The following HLCS variants were observed in gnomAD, a reference collection of about 807,000 sequenced individuals.
The protein encoded by HLCS is holocarboxylase synthetase.
Under a neutral mutation model 75.0 loss-of-function variants are expected in HLCS, and 53 were observed. The ratio of observed to expected loss-of-function variants is 0.71; its 90% CI spans 0.57 to 0.89. HLCS has a LOEUF of 0.89. HLCS is among the 40% of genes least tolerant of loss of function. The pLI, the probability that HLCS is intolerant of heterozygous loss-of-function variation, is 0.00. For missense variants in HLCS, 966 were observed against 1,074.0 expected, an observed-to-expected ratio of 0.90 and a Z score of 1.41; for synonymous variants, 431 against 428.6, an observed-to-expected ratio of 1.01 and a Z score of -0.07.
In HLCS at chr21:36,966,497, C is replaced by G. The variant is rs1327173242; in HGVS notation, c.142G>C (p.Ala48Pro). ...FCGAAAQPPG[A>P]RVCLSRGGRV... ...CCGCCACGGCTCAGGCACACGCGGG[C>G]GCCCGGGGGCTGCGCGGCCGCGCCG... The change falls in exon 1 of 11, where the codon GCC (alanine) becomes CCC (proline). Residue 48 changes from alanine to proline, a missense_variant. Coordinates refer to ENST00000674895, the MANE Select transcript of HLCS (RefSeq NM_001352514.2). 8.2e-6 allele frequency: 8 copies of G among 979,864 alleles called. No individual in the cohort carries two copies. Among genetic ancestry groups the G allele is most frequent in the African/African-American group, 1.8e-5 (1 of 55,242 alleles). The allele number at this position is 979,864 out of a possible 1,614,324, so 60.7% of individuals were successfully genotyped here. A position where few individuals can be genotyped will look rare whatever the true frequency, so the allele number is the denominator to read the frequency against.
intron 6 of HLCS, among the ~76,000 whole-genome samples, chr21:36,786,939 G>C (rs1006503682): frequency 3.3e-5 from 5 of 152,204 alleles, no homozygotes; most frequent in Non-Finnish European, 7.3e-5. Context: ...TCCAGGCGGG[G>C]ATGGCTCACT....
At chr21:36,878,567 G>T (rs1194005318) in intron 6 of HLCS, among the ~76,000 whole-genome samples, 1 of 152,084 alleles carries the variant, frequency 6.6e-6, no homozygotes, top group Non-Finnish European at 1.5e-5. Flanking sequence ...ATTAATAAAG[G>T]TATTACTGCC....
At chr21:36,958,875 G>C (rs2068119063) in intron 2 of HLCS, among the ~76,000 whole-genome samples, 2 of 152,170 alleles carry the variant, frequency 1.3e-5, no homozygotes, top group Admixed American at 6.5e-5. Flanking sequence ...TATAACCTAA[G>C]TTTTCTTATC....
rs540951009 is a variant in HLCS at position 36,946,053 on chromosome 21, G to A, written c.331-7059C>T. 5 of 955,832 alleles carry A rather than the reference G, an allele frequency of 5.2e-6. No homozygotes were observed. In the African/African-American group the frequency reaches 8.8e-5, roughly 17 times the overall value. 59.2% of individuals were successfully genotyped at this position (955,832 alleles called of 1,614,324 possible). ...CACTAAAAGGGATCATCCATAAAGT[G>A]CCTGGGCCACAAGGGTGCTCTTATG... On this transcript the variant is annotated intron_variant, in intron 2 of 10. Transcript: ENST00000674895.
chr21:36,988,992 A>ATT (rs200128461), intron 1 of HLCS, among the ~76,000 whole-genome samples: 3 of 149,092 alleles, frequency 2.0e-5, no homozygotes, highest in South Asian at 2.1e-4. Flanking sequence ...ATGGTAGGGG[A>ATT]TTTTTTTTTC....
chr21:36,936,563 G>T lies in HLCS; in HGVS notation c.1323C>A (p.Gly441=). The change falls in exon 4 of 11, where the codon GGC becomes GGA. Residue 441 remains glycine (G), a synonymous_variant. Transcript: ENST00000674895. ...VLSSGCRYQE[G]PVRLSPGRLQ... ...GCCTGCCGGGGCTGAGCCGGACGGGGCCTTCCTGGTACCTGCAGCCACTGC... is the reference window on the plus strand; with the variant it reads ...GCCTGCCGGGGCTGAGCCGGACGGGTCCTTCCTGGTACCTGCAGCCACTGC... The T allele has an allele frequency of 6.2e-7, 1 of 1,614,172 alleles. No homozygotes were observed.
At chr21:36,935,498 C>T (rs1287108202) in intron 4 of HLCS, among the ~76,000 whole-genome samples, 1 of 151,804 alleles carries the variant, frequency 6.6e-6, no homozygotes, top group Admixed American at 6.6e-5. Context: ...GAAAACAAAA[C>T]AAAAAAGGAA....
intron 1 of HLCS, among the ~76,000 whole-genome samples, chr21:36,980,129 A>G (rs1360987284): frequency 1.3e-5 from 2 of 150,250 alleles, no homozygotes; most frequent in African/African-American, 4.9e-5. Context: ...TCAAGGCTGC[A>G]GTGAGCTGCG....
chr21:36,808,771 T>C (rs541954933), intron 6 of HLCS, among the ~76,000 whole-genome samples: 26 of 152,360 alleles, frequency 1.7e-4, no homozygotes, highest in African/African-American at 4.8e-4. Context: ...GGACCTGAGT[T>C]CCCAACTGGT....
At chr21:36,977,284 C>T (rs553125927) in intron 1 of HLCS, among the ~76,000 whole-genome samples, 2 of 152,216 alleles carry the variant, frequency 1.3e-5, no homozygotes, top group Non-Finnish European at 2.9e-5. Context: ...CAGTTTCCTG[C>T]CTATCAGACA....
chr21:36,978,126 T>C (rs1263890008), intron 1 of HLCS, among the ~76,000 whole-genome samples: 3 of 152,226 alleles, frequency 2.0e-5, no homozygotes, highest in Non-Finnish European at 4.4e-5. Flanking sequence ...TTACTTTATC[T>C]GCCAACTGTG....
At chr21:36,953,315 C>T (rs1203206456) in intron 2 of HLCS, among the ~76,000 whole-genome samples, 3 of 152,294 alleles carry the variant, frequency 2.0e-5, no homozygotes, top group African/African-American at 4.8e-5. Flanking sequence ...TCTCTTCCCC[C>T]ACTCTGAAGG....
intron 1 of HLCS, among the ~76,000 whole-genome samples, chr21:36,962,879 G>A (rs548317526): frequency 9.7e-4 from 147 of 151,470 alleles, no homozygotes; most frequent in African/African-American, 3.4e-3. Context: ...AGCCTGAAGG[G>A]CTGTTCCTTC....
At chr21:36,855,871 C>T (rs1209705291) in intron 6 of HLCS, among the ~76,000 whole-genome samples, 2 of 152,146 alleles carry the variant, frequency 1.3e-5, no homozygotes, top group Non-Finnish European at 2.9e-5. Context: ...AGCTCACACA[C>T]CTGGCCCAAA....
At chr21:36,855,154 C>A (rs904071464) in intron 6 of HLCS, among the ~76,000 whole-genome samples, 1 of 152,046 alleles carries the variant, frequency 6.6e-6, no homozygotes, top group African/African-American at 2.4e-5. Context: ...TATTCCGATG[C>A]ATATTATTTT....
At chr21:36,829,999 G>A (rs1325545990) in intron 6 of HLCS, among the ~76,000 whole-genome samples, 1 of 152,218 alleles carries the variant, frequency 6.6e-6, no homozygotes, top group African/African-American at 2.4e-5. Flanking sequence ...ACTGTATTTA[G>A]AGACAGGGTC....
At chr21:36,819,583 C>T (rs1373260806) in intron 6 of HLCS, among the ~76,000 whole-genome samples, 1 of 152,132 alleles carries the variant, frequency 6.6e-6, no homozygotes, top group Non-Finnish European at 1.5e-5. Context: ...CGGACAGTAT[C>T]ATTTACGGAA....
At chr21:36,812,742 T>A (rs1391584448) in intron 6 of HLCS, among the ~76,000 whole-genome samples, 1 of 152,158 alleles carries the variant, frequency 6.6e-6, no homozygotes, top group African/African-American at 2.4e-5. Context: ...ATTTTTCACC[T>A]CTGACTTTTC....
At chr21:36,919,528 G>A (rs1330230686) in intron 5 of HLCS, among the ~76,000 whole-genome samples, 2 of 152,220 alleles carry the variant, frequency 1.3e-5, no homozygotes, top group African/African-American at 4.8e-5. Context: ...CACAGAAACA[G>A]ATAAGACGGT....
Sources: allele counts gnomAD v4.1 joint callset (sites outside exome capture counted in the v4.1 genomes callset), GRCh38; gene constraint gnomAD v4.1.1; transcripts MANE v1.5; gene names NCBI Gene and HGNC (gene_info 2026-07-23, HGNC 2026-07-21).